The following SPMIP4 variants were observed in gnomAD, a reference collection of about 807,000 sequenced individuals.
SPMIP4 encodes the protein sperm-associated microtubule inner protein 4.
At chr7:25,147,039 T>C in the SPMIP4 span, among the ~76,000 whole-genome samples, 1 of 152,196 alleles carries the variant, frequency 6.6e-6, no homozygotes, top group Non-Finnish European at 1.5e-5. Flanking sequence ...CTCACACCTG[T>C]AATCCCAGCA....
the SPMIP4 span, among the ~76,000 whole-genome samples, chr7:25,131,144 T>C: frequency 1.3e-5 from 2 of 152,208 alleles, no homozygotes; most frequent in East Asian, 3.8e-4. The surrounding 1 kb of genome is among the most constrained non-coding windows in gnomAD (Gnocchi z 4.2). Context: ...TTGAACTCTA[T>C]TGTGAACTGC....
At chr7:25,151,097 T>C in the SPMIP4 span, among the ~76,000 whole-genome samples, 3 of 152,206 alleles carry the variant, frequency 2.0e-5, no homozygotes, top group South Asian at 2.1e-4. Context: ...ATCTTTTTTT[T>C]TGGTAACTGT....
the SPMIP4 span, chr7:25,136,900 A>T: frequency 2.8e-6 from 3 of 1,086,218 alleles, no homozygotes; most frequent in Non-Finnish European, 4.0e-6. The surrounding 1 kb of genome is among the most constrained non-coding windows in gnomAD (Gnocchi z 5.7). Context: ...CGAGATGGGC[A>T]TAGGAGTGTA....
chr7:25,153,559 G>A, the SPMIP4 span, among the ~76,000 whole-genome samples: 8 of 101,794 alleles, frequency 7.9e-5, no homozygotes, highest in Non-Finnish European at 1.3e-4. Context: ...GCAAGACTCC[G>A]TCTCAAAAAA....
the SPMIP4 span, chr7:25,135,236 A>G: frequency 2.2e-5 from 16 of 723,232 alleles, no homozygotes; most frequent in East Asian, 2.0e-3. Flanking sequence ...AGAACTCACC[A>G]GTTGCTAATT....
At chr7:25,156,440 G>A in the SPMIP4 span, among the ~76,000 whole-genome samples, 1 of 152,136 alleles carries the variant, frequency 6.6e-6, no homozygotes, top group Non-Finnish European at 1.5e-5. Flanking sequence ...AATTTGAAAA[G>A]CTCAAGACAA....
At chr7:25,138,810 T>C in the SPMIP4 span, among the ~76,000 whole-genome samples, 1 of 152,240 alleles carries the variant, frequency 6.6e-6, no homozygotes, top group African/African-American at 2.4e-5. This position sits in a 1 kb window ranked among gnomAD's most constrained non-coding sequence, Gnocchi z 6.2. Context: ...GAAGCTGAAT[T>C]TTCAACGAGC....
the SPMIP4 span, among the ~76,000 whole-genome samples, chr7:25,149,007 T>C: frequency 1.3e-5 from 2 of 152,220 alleles, no homozygotes; most frequent in Non-Finnish European, 2.9e-5. Context: ...ACCTTAATGT[T>C]TGTCTTATTT....
the SPMIP4 span, among the ~76,000 whole-genome samples, chr7:25,171,868 G>T: frequency 6.6e-6 from 1 of 152,180 alleles, no homozygotes; most frequent in Admixed American, 6.5e-5. Context: ...TTCCCCTGTG[G>T]CCCCAGTTTG....
the SPMIP4 span, among the ~76,000 whole-genome samples, chr7:25,152,662 C>T: frequency 1.5e-3 from 221 of 151,636 alleles, 2 homozygotes; most frequent in Middle Eastern, 0.02. Flanking sequence ...TTCTTTCCTT[C>T]CTTCCTTCCT....
chr7:25,151,705 A>G, the SPMIP4 span: 1 of 1,349,568 alleles, frequency 7.4e-7, no homozygotes, highest in Non-Finnish European at 1.1e-6. Context: ...CAGGAAAAGC[A>G]ATAAATAAGA....
At chr7:25,160,257 T>TTCATTAATAAA in the SPMIP4 span, among the ~76,000 whole-genome samples, 1 of 151,280 alleles carries the variant, frequency 6.6e-6, no homozygotes, top group Non-Finnish European at 1.5e-5. Flanking sequence ...AATAAAGAAG[T>TTCATTAATAAA]GATAGTTCCA....
the SPMIP4 span, among the ~76,000 whole-genome samples, chr7:25,140,124 A>G: frequency 6.6e-6 from 1 of 152,170 alleles, no homozygotes; most frequent in Non-Finnish European, 1.5e-5. Flanking sequence ...ATATGTTCAT[A>G]TAATATTTTC....
the SPMIP4 span, among the ~76,000 whole-genome samples, chr7:25,148,873 G>A: frequency 1.3e-5 from 2 of 152,124 alleles, no homozygotes; most frequent in East Asian, 1.9e-4. Flanking sequence ...TTGGGCAGTC[G>A]CCAAACCAAA....
At chr7:25,142,009 T>A in the SPMIP4 span, among the ~76,000 whole-genome samples, 17 of 152,340 alleles carry the variant, frequency 1.1e-4, no homozygotes, top group South Asian at 3.5e-3. Flanking sequence ...GTGCTGGGAT[T>A]ACAGGTGTGA....
At chr7:25,144,749 TG>T in the SPMIP4 span, among the ~76,000 whole-genome samples, 2 of 152,206 alleles carry the variant, frequency 1.3e-5, no homozygotes, top group South Asian at 2.1e-4. Context: ...CTAAAGTTCC[TG>T]GGCCTAAGGG....
the SPMIP4 span, among the ~76,000 whole-genome samples, chr7:25,167,304 A>G: frequency 6.6e-6 from 1 of 152,172 alleles, no homozygotes; most frequent in Non-Finnish European, 1.5e-5. Flanking sequence ...CAACTTTATA[A>G]TTGTCTGACC....
At chr7:25,165,686 C>A in the SPMIP4 span, among the ~76,000 whole-genome samples, 1 of 152,228 alleles carries the variant, frequency 6.6e-6, no homozygotes, top group African/African-American at 2.4e-5. Flanking sequence ...TCCAACTTTG[C>A]TGCACGTTGG....
the SPMIP4 span, chr7:25,136,243 A>G: frequency 1.1e-4 from 183 of 1,614,156 alleles, no homozygotes; most frequent in East Asian, 3.8e-3. This position sits in a 1 kb window ranked among gnomAD's most constrained non-coding sequence, Gnocchi z 5.7. Context: ...AAAATGTTCT[A>G]AAGTGAAAGC....
Sources: gnomAD v4.1 joint callset for allele counts (sites outside exome capture counted in the v4.1 genomes callset) on GRCh38, gnomAD v4.1.1 for gene constraint, Gnocchi (gnomAD v3.1) non-coding constraint, MANE v1.5 for transcripts, NCBI Gene and HGNC (gene_info 2026-07-23, HGNC 2026-07-21) for gene names.